The following MCM9 variants were observed in gnomAD, a reference collection of about 807,000 sequenced individuals.
MCM9 encodes the protein minichromosome maintenance 9 homologous recombination repair factor.
MCM9 carries 55 observed loss-of-function variants against 72.8 expected under a neutral mutation model. The observed-to-expected ratio is 0.76, with a 90% CI of 0.61 to 0.95. The LOEUF is 0.95. Among genes scored for constraint, MCM9 ranks in the 40% least tolerant of loss-of-function variants. MCM9 has a pLI of 0.00. For synonymous variants in MCM9, 480 were observed against 503.4 expected (o/e 0.95, Z 0.62); for missense variants, 1,279 against 1,377.0 (o/e 0.93, Z 1.13).
chr6:118,885,398 A>G lies in MCM9; in HGVS notation c.1150+26252T>C, dbSNP rs950675486. Among the ~76,000 whole-genome samples, 9 of 152,252 alleles carry G rather than the reference A, an allele frequency of 5.9e-5. No individual in the cohort carries two copies. The East Asian group carries it at 1.7e-3, about 29-fold the overall frequency. On this transcript the variant is annotated intron_variant, in intron 8 of 13. Coordinates refer to ENST00000619706, the MANE Select transcript of MCM9 (RefSeq NM_017696.3). The stretch of plus-strand genomic sequence containing the variant: ...TAGAGAATAAAAATAGAGAAAATTA[A>G]TGAAACTAAAAGTTGACAATCCTTT...
At chr6:118,889,064 T>C (rs1006594138) in intron 8 of MCM9, among the ~76,000 whole-genome samples, 6 of 152,182 alleles carry the variant, frequency 3.9e-5, no homozygotes, top group Non-Finnish European at 7.4e-5. Context: ...AATGAGTGAA[T>C]TACATGTTAT....
intron 9 of MCM9, among the ~76,000 whole-genome samples, chr6:118,848,894 C>T (rs1307891881): frequency 6.6e-6 from 1 of 152,006 alleles, no homozygotes; most frequent in Non-Finnish European, 1.5e-5. Context: ...TGCACTCCAG[C>T]CTGGGTGACA....
chr6:118,924,053 T>TGG lies in MCM9; in HGVS notation c.378_379insCC (p.Thr127ProfsTer5). On this transcript the variant is annotated frameshift_variant, in exon 4 of 14. Transcript: ENST00000619706. LOFTEE classifies it high-confidence loss of function. ...AGACTTGTTCGAATCACTGTCCCAG[T>TGG]GACAGATAAAAAGTGTCCCACATCC... 1 of 1,614,196 alleles carries TGG rather than the reference T, an allele frequency of 6.2e-7. No homozygotes were observed. Among genetic ancestry groups the TGG allele is most frequent in the Non-Finnish European group, 8.5e-7 (1 of 1,180,030 alleles).
intron 5 of MCM9, chr6:118,920,974 T>C (rs1371973403): frequency 1.3e-5 from 2 of 152,192 alleles, no homozygotes; most frequent in East Asian, 1.9e-4. Context: ...ACATGATGAG[T>C]TGACAGGGAC....
chr6:118,843,696 A>ATATATGTATG (rs1775640962), intron 9 of MCM9, among the ~76,000 whole-genome samples: 1 of 102,422 alleles, frequency 9.8e-6, no homozygotes, highest in Non-Finnish European at 1.8e-5. Flanking sequence ...GTGTATATAT[A>ATATATGTATG]TATATATGTA....
chr6:118,826,118 G>T, intron 13 of MCM9, 29 bp downstream of exon 13: 1 of 1,535,034 alleles, frequency 6.5e-7, no homozygotes, highest in Non-Finnish European at 8.8e-7. Context: ...ATTTTCCATT[G>T]TATGCCTTTC....
At chr6:118,913,236 A>G (rs530250884) in intron 7 of MCM9, 59 bp downstream of exon 7, 3 of 1,581,198 alleles carry the variant, frequency 1.9e-6, no homozygotes, top group East Asian at 2.2e-5. Context: ...TGGGAAAGAA[A>G]AAGTTCTAGC....
chr6:118,871,713 GAC>G (rs1777609039), intron 8 of MCM9, among the ~76,000 whole-genome samples: 1 of 148,544 alleles, frequency 6.7e-6, no homozygotes. Context: ...TCAGGAGATA[GAC>G]ACCATTCTGG....
At position 118,826,248 on chromosome 6, in the gene MCM9, A is replaced by G; in HGVS notation, c.1860T>C (p.Phe620=). 1 of 1,550,508 alleles carries G rather than the reference A, an allele frequency of 6.4e-7. No homozygotes were observed. Among genetic ancestry groups the G allele is most frequent in the South Asian group, 1.2e-5 (1 of 84,052 alleles). ...LGGVNALHTS[F]PENPGEQYQR... is the part of the protein sequence containing the mutation. ...GGTACTGCTCTCCAGGGTTTTCAGG[A>G]AAGGAAGTGTGGAGGGCATTCACAC... Residue 620 remains phenylalanine (F), a synonymous_variant, in exon 13 of 14, where the codon TTT becomes TTC. Coordinates refer to ENST00000619706, the MANE Select transcript of MCM9 (RefSeq NM_017696.3).
chr6:118,856,676 C>T (rs536252348), intron 8 of MCM9, 131 bp from the exon 9 acceptor site: 12 of 937,966 alleles, frequency 1.3e-5, no homozygotes, highest in African/African-American at 3.3e-5. Flanking sequence ...CACAGGAGTT[C>T]GAGGCCTGCC....
intron 8 of MCM9, among the ~76,000 whole-genome samples, chr6:118,875,070 G>A (rs1051104555): frequency 5.3e-5 from 8 of 152,086 alleles, no homozygotes; most frequent in Admixed American, 1.3e-4. Context: ...CCAAGATCGC[G>A]CCATTGCACT....
At chr6:118,849,020 T>C (rs1583425445) in intron 9 of MCM9, among the ~76,000 whole-genome samples, 3 of 151,902 alleles carry the variant, frequency 2.0e-5, no homozygotes, top group Admixed American at 2.0e-4. Flanking sequence ...ATTATACCAA[T>C]AAATGTAAGT....
chr6:118,920,818 C>T (rs1781365863), intron 5 of MCM9: 1 of 152,296 alleles, frequency 6.6e-6, no homozygotes, highest in African/African-American at 2.4e-5. Context: ...CCAATTAAAC[C>T]TCTTTTCTTT....
At chr6:118,902,417 T>G (rs970901029) in intron 8 of MCM9, among the ~76,000 whole-genome samples, 2 of 152,132 alleles carry the variant, frequency 1.3e-5, no homozygotes, top group African/African-American at 4.8e-5. Context: ...TTCTTGAAAT[T>G]GTTATATAAA....
intron 9 of MCM9, among the ~76,000 whole-genome samples, chr6:118,835,828 G>C (rs1774916232): frequency 6.6e-6 from 1 of 151,758 alleles, no homozygotes. Context: ...CTTCCTATTT[G>C]TACCCATTAT....
intron 3 of MCM9, among the ~76,000 whole-genome samples, chr6:118,924,353 A>C (rs1360122427): frequency 3.3e-5 from 5 of 152,230 alleles, no homozygotes. Context: ...GATACTGCAC[A>C]ATGAGTAGAC....
intron 9 of MCM9, among the ~76,000 whole-genome samples, chr6:118,846,729 T>C (rs1274445798): frequency 6.6e-6 from 1 of 151,786 alleles, no homozygotes; most frequent in Non-Finnish European, 1.5e-5. Flanking sequence ...CATCCCCTTA[T>C]GGAAAACACT....
At chr6:118,877,059 G>C (rs537658555) in intron 8 of MCM9, among the ~76,000 whole-genome samples, 1 of 152,308 alleles carries the variant, frequency 6.6e-6, no homozygotes, top group Admixed American at 6.5e-5. Context: ...TTAGAGCCCA[G>C]CCACTATGTT....
chr6:118,887,637 A>T (rs36197439), intron 8 of MCM9, among the ~76,000 whole-genome samples: 107,557 of 151,964 alleles, frequency 0.71, 39,383 homozygotes, highest in South Asian at 0.8. Flanking sequence ...GGGCATCATC[A>T]AAATTAAAAG....
Sources: gnomAD v4.1 joint callset for allele counts (sites outside exome capture counted in the v4.1 genomes callset) on GRCh38, gnomAD v4.1.1 for gene constraint, MANE v1.5 for transcripts, NCBI Gene and HGNC (gene_info 2026-07-23, HGNC 2026-07-21) for gene names.